MT1F: variants seen among roughly 807,000 people sequenced by gnomAD.
The protein encoded by MT1F is metallothionein 1F, also known as metallothionein-1F.
Under a neutral mutation model 5.4 loss-of-function variants are expected in MT1F, and 6 were observed. That is an observed-to-expected ratio of 1.11 (90% CI 0.61 to 2.19). The LOEUF is 2.19. Among genes scored for constraint, MT1F ranks in the 30% most tolerant of loss-of-function variants. The probability of loss-of-function intolerance (pLI) is 0.00; values close to 1 mark genes in which losing one functional copy is unlikely to be tolerated. For synonymous variants in MT1F, 28 were observed against 28.3 expected (o/e 0.99, Z 0.04); for missense variants, 82 against 77.0 (o/e 1.07, Z -0.24).
rs77781852 is a variant in MT1F, at chr16:56,658,643, C to A, written c.29-32C>A. ...GCTGTACCTCCTGCAGGTCACTCGC[C>A]GCTCACTGGCTTTTTTTTCTCTTTC... On this transcript the variant is annotated intron_variant, in intron 1 of 2. Transcript: ENST00000334350. 3,027 of 1,613,056 alleles carry A rather than the reference C, an allele frequency of 1.9e-3. 53 individuals are homozygous for A. In the African/African-American group the frequency reaches 0.035, roughly 19 times the overall value.
At chr16:56,658,487 G>A (rs1321058400) in intron 1 of MT1F, 188 bp from the exon 2 acceptor site, 4 of 641,046 alleles carry the variant, frequency 6.2e-6, no homozygotes, top group African/African-American at 1.8e-5. Context: ...AGTGCAAACA[G>A]GAGGCTGCTT....
chr16:56,658,641 G>C (rs201000842), intron 1 of MT1F, 34 bp from the exon 2 acceptor site: 1 of 1,612,796 alleles, frequency 6.2e-7, no homozygotes, highest in African/African-American at 1.3e-5. Flanking sequence ...CAGGTCACTC[G>C]CCGCTCACTG....
intron 2 of MT1F, 111 bp from the exon 3 acceptor site, chr16:56,658,962 C>A: frequency 1.8e-6 from 2 of 1,119,364 alleles, no homozygotes; most frequent in Admixed American, 1.8e-5. Flanking sequence ...AAGCCATACC[C>A]TCCTGAACTG....
Position 56,657,972 on chromosome 16 carries a change from C to T in MT1F, c.-87C>T. The T allele has an allele frequency of 7.1e-7, 1 of 1,407,716 alleles. No individual in the cohort carries two copies. Among genetic ancestry groups the T allele is most frequent in the Non-Finnish European group, 9.9e-7 (1 of 1,005,846 alleles). The allele number at this position is 1,407,716 out of a possible 1,614,324, so 87.2% of individuals were successfully genotyped here. A position where few individuals can be genotyped will look rare whatever the true frequency, so the allele number is the denominator to read the frequency against. ...CCTCCCCTGACTATCAAAGCAGCGG[C>T]CGGCTGTTGGGGTCCACCACGCCTT... On this transcript the variant is annotated 5_prime_UTR_variant, in exon 1 of 3. Coordinates refer to ENST00000334350, the MANE Select transcript of MT1F (RefSeq NM_005949.4).
At position 56,659,228 on chromosome 16, in the gene MT1F, T is replaced by G. The variant is rs1454024645; in HGVS notation, c.*64T>G. 6.7e-7 allele frequency: 1 copy of G among 1,496,224 alleles called. No homozygotes were observed. Among genetic ancestry groups the G allele is most frequent in the African/African-American group, 1.4e-5 (1 of 71,884 alleles). The allele number at this position is 1,496,224 out of a possible 1,614,324, so 92.7% of individuals were successfully genotyped here. A position where few individuals can be genotyped will look rare whatever the true frequency, so the allele number is the denominator to read the frequency against. On this transcript the variant is annotated 3_prime_UTR_variant, in exon 3 of 3. Coordinates refer to ENST00000334350, the MANE Select transcript of MT1F (RefSeq NM_005949.4). ...CATGTACAAACCTGGATTTTTTTTT[T>G]ATACCACCTTGACCCATTTGCTACA... is the stretch of plus-strand genomic sequence containing the variant.
intron 2 of MT1F, 99 bp downstream of exon 2, chr16:56,658,839 C>A: frequency 6.8e-7 from 1 of 1,472,786 alleles, no homozygotes; most frequent in Non-Finnish European, 9.5e-7. Context: ...ACTGGCCTTC[C>A]TTTGTCCCCG....
intron 2 of MT1F, 146 bp downstream of exon 2, chr16:56,658,886 C>A: frequency 8.4e-7 from 1 of 1,193,434 alleles, no homozygotes; most frequent in Non-Finnish European, 1.2e-6. Context: ...CTGCCCTGTG[C>A]AGGGCGCCTG....
intron 1 of MT1F, chr16:56,658,367 G>A: frequency 1.7e-6 from 1 of 584,742 alleles, no homozygotes; most frequent in East Asian, 2.8e-5. Flanking sequence ...CAGGCTTTGA[G>A]CAGCAGGATT....
At position 56,658,807 on chromosome 16, in the gene MT1F, C is replaced by A. The variant is rs112306411; in HGVS notation, c.94+67C>A. 23 of 1,580,514 alleles carry A rather than the reference C, an allele frequency of 1.5e-5. No homozygotes were observed. In the African/African-American group the frequency reaches 2.7e-4, roughly 18 times the overall value. ...GGTTGGGATGGAACCCAAGGCTGGC[C>A]CTGAGTGCATGCTTCTGGGGAACTG... is the stretch of plus-strand genomic sequence containing the variant. On this transcript the variant is annotated intron_variant, in intron 2 of 2. Transcript: ENST00000334350.
chr16:56,657,967 A>C lies in MT1F; in HGVS notation c.-92A>C. On this transcript the variant is annotated 5_prime_UTR_variant, in exon 1 of 3. Transcript: ENST00000334350. ...GGCCCCCTCCCCTGACTATCAAAGC[A>C]GCGGCCGGCTGTTGGGGTCCACCAC... 7.3e-7 allele frequency: 1 copy of C among 1,362,490 alleles called. No individual in the cohort carries two copies. The allele number at this position is 1,362,490 out of a possible 1,614,324, so 84.4% of individuals were successfully genotyped here. A position where few individuals can be genotyped will look rare whatever the true frequency, so the allele number is the denominator to read the frequency against.
rs1326820846 is a variant in MT1F, at chr16:56,659,107, G to T, written c.129G>T (p.Lys43Asn). 1 of 1,613,954 alleles carries T rather than the reference G, an allele frequency of 6.2e-7. No individual in the cohort carries two copies. The highest frequency in any genetic ancestry group is 1.3e-5 in the African/African-American group (1 of 74,920). ...CCSCCPVGCS[K>N]CAQGCVCKGA... is the part of the protein sequence containing the mutation. ...CCTGCTGCCCCGTGGGCTGTAGCAA[G>T]TGTGCCCAGGGCTGTGTTTGCAAAG... Residue 43 changes from lysine to asparagine, a missense_variant, in exon 3 of 3, where the codon AAG (lysine) becomes AAT (asparagine). Physicochemically the swap from Lys to Asn is moderately conservative, Grantham distance 94 (BLOSUM62 0). Coordinates refer to ENST00000334350, the MANE Select transcript of MT1F (RefSeq NM_005949.4).
intron 1 of MT1F, 22 bp from the exon 2 acceptor site, chr16:56,658,653 C>CT (rs762960787): frequency 3.0e-5 from 48 of 1,613,440 alleles, no homozygotes; most frequent in East Asian, 4.5e-5. Context: ...CGCTCACTGG[C>CT]TTTTTTTTCT....
chr16:56,658,287 G>T, intron 1 of MT1F: 1 of 639,602 alleles, frequency 1.6e-6, no homozygotes, highest in Non-Finnish European at 2.7e-6. Flanking sequence ...GGGTACTGAG[G>T]CTCAAGGCTG....
chr16:56,659,041 C>T (rs963947714), intron 2 of MT1F, 32 bp from the exon 3 acceptor site: 13 of 1,600,022 alleles, frequency 8.1e-6, no homozygotes, highest in Non-Finnish European at 1.1e-5. Flanking sequence ...GGCAAGTTGG[C>T]TGTGACCTCT....
chr16:56,658,239 G>A (rs1960645628), intron 1 of MT1F, 153 bp downstream of exon 1: 1 of 826,632 alleles, frequency 1.2e-6, no homozygotes, highest in African/African-American at 1.7e-5. Context: ...GATCCTGAGA[G>A]CATTTCCTTC....
Position 56,659,146 on chromosome 16 carries a change from G to C in MT1F, c.168G>C (p.Lys56Asn), listed in dbSNP as rs73551702. 1,578 of 1,614,144 alleles carry C rather than the reference G, an allele frequency of 9.8e-4. 17 individuals are homozygous for C. In the African/African-American group the frequency reaches 0.018, roughly 18 times the overall value. Residue 56 changes from lysine (K) to asparagine (N), a missense_variant, in exon 3 of 3, where the codon AAG becomes AAC. Lys to Asn is a moderately conservative substitution (Grantham distance 94). Transcript: ENST00000334350. ...GTGTTTGCAAAGGGGCGTCAGAGAA[G>C]TGCAGCTGCTGCGACTGATGCCAGG... is the stretch of plus-strand genomic sequence containing the variant. ...QGCVCKGASE[K>N]CSCCD
At chr16:56,658,909 A>C in intron 2 of MT1F, 164 bp from the exon 3 acceptor site, 1 of 1,076,480 alleles carries the variant, frequency 9.3e-7, no homozygotes, top group Non-Finnish European at 1.4e-6. Flanking sequence ...CAGCTTTCTC[A>C]TAGGAAGACC....
At chr16:56,659,001 G>T (rs1960657959) in intron 2 of MT1F, 72 bp from the exon 3 acceptor site, 3 of 1,341,268 alleles carry the variant, frequency 2.2e-6, no homozygotes, top group Admixed American at 1.7e-5. Context: ...AGGCTCTGTT[G>T]GGGGCCTCTG....
rs1160478451 is a variant in MT1F at position 56,658,674 on chromosome 16, GGT to G, written c.31_32del (p.Val11LeufsTer31). The G allele has an allele frequency of 1.2e-6, 2 of 1,614,172 alleles. No homozygotes were observed. The highest frequency in any genetic ancestry group is 1.7e-5 in the Admixed American group (1 of 60,032). ...CTGGCTTTTTTTTCTCTTTCTCGCAGGTGTCTCCTGCACCTGCGCTGGTTCCT... is the reference window on the plus strand; with the variant it reads ...CTGGCTTTTTTTTCTCTTTCTCGCAGGTCTCCTGCACCTGCGCTGGTTCCT... The part of the protein sequence containing the change: MDPNCSCAA[G>X]VSCTCAGSCK... On this transcript the variant is annotated frameshift_variant and splice_region_variant, in exon 2 of 3. Coordinates refer to ENST00000334350, the MANE Select transcript of MT1F (RefSeq NM_005949.4). LOFTEE classifies it high-confidence loss of function.
Sources: gnomAD v4.1 joint callset for allele counts on GRCh38, gnomAD v4.1.1 for gene constraint, MANE v1.5 for transcripts, NCBI Gene and HGNC (gene_info 2026-07-23, HGNC 2026-07-21) for gene names.